The following CALD1 variants were observed in gnomAD, a reference collection of about 807,000 sequenced individuals.
CALD1 encodes the protein caldesmon 1.
In CALD1, 33 loss-of-function variants were observed where a neutral mutation model predicts 99.9. The observed-to-expected ratio is 0.33, with a 90% CI of 0.25 to 0.44. CALD1 has a LOEUF of 0.44. Ranked by LOEUF, CALD1 falls within the 20% of genes least tolerant of loss-of-function variation. CALD1 has a pLI of 1.00. For missense variants in CALD1, 861 were observed against 962.1 expected (o/e 0.89, Z 1.39); for synonymous variants, 310 against 325.0 (o/e 0.95, Z 0.50).
chr7:134,773,482 C>T (rs1796892500), intron 1 of CALD1, among the ~76,000 whole-genome samples: 2 of 152,090 alleles, frequency 1.3e-5, no homozygotes, highest in Admixed American at 6.5e-5. Flanking sequence ...CCCTGTTGCC[C>T]AGGCTGGTCT....
chr7:134,849,484 A>C lies in CALD1; in HGVS notation c.-42+5513A>C, dbSNP rs745734881. 3.3e-5 allele frequency among the ~76,000 whole-genome samples: 5 copies of C among 152,274 alleles called. No homozygotes were observed. The South Asian group carries it at 8.3e-4, about 25-fold the overall frequency. On this transcript the variant is annotated intron_variant, in intron 2 of 14. Transcript: ENST00000361675. ...TTTGCACATAATCTATGCATATCCTATCGTATACTTTAAATCATCTCTACC... is the reference window on the plus strand; with the variant it reads ...TTTGCACATAATCTATGCATATCCTCTCGTATACTTTAAATCATCTCTACC...
At chr7:134,883,464 T>C (rs1438016323) in intron 3 of CALD1, among the ~76,000 whole-genome samples, 3 of 152,146 alleles carry the variant, frequency 2.0e-5, no homozygotes, top group Admixed American at 6.5e-5. Context: ...AAATTGGATA[T>C]TTTTACTAAA....
intron 6 of CALD1, among the ~76,000 whole-genome samples, chr7:134,940,307 AAC>A (rs1402926313): frequency 1.3e-5 from 2 of 152,238 alleles, no homozygotes; most frequent in Non-Finnish European, 2.9e-5. Context: ...TACTGAAAGA[AAC>A]ACAAAACGCA....
At chr7:134,951,471 A>T (rs1203833612) in intron 9 of CALD1, among the ~76,000 whole-genome samples, 2 of 152,240 alleles carry the variant, frequency 1.3e-5, no homozygotes, top group Non-Finnish European at 2.9e-5. Context: ...AGTATATTTT[A>T]AAAGTTTAAG....
At chr7:134,880,738 A>G (rs1801561262) in intron 3 of CALD1, among the ~76,000 whole-genome samples, 1 of 152,126 alleles carries the variant, frequency 6.6e-6, no homozygotes, top group Non-Finnish European at 1.5e-5. Context: ...GTTGTGATGT[A>G]GAAAGAACTG....
intron 3 of CALD1, among the ~76,000 whole-genome samples, chr7:134,870,461 G>A (rs774387356): frequency 6.6e-5 from 10 of 152,160 alleles, no homozygotes; most frequent in African/African-American, 9.7e-5. Context: ...TTGACCGCAC[G>A]GCTACGTGGT....
chr7:134,836,512 C>G (rs1421314603), intron 1 of CALD1, among the ~76,000 whole-genome samples: 1 of 152,180 alleles, frequency 6.6e-6, no homozygotes, highest in Non-Finnish European at 1.5e-5. Flanking sequence ...ACAACTGCCA[C>G]TACCTTTTCA....
the CALD1 span, among the ~76,000 whole-genome samples, chr7:134,736,458 ATGGGGCT>A: frequency 3.1e-4 from 47 of 152,282 alleles, no homozygotes; most frequent in African/African-American, 1.1e-3. Context: ...CCTTTGCAAA[ATGGGGCT>A]TCTCAGCAAT....
chr7:134,850,674 A>G (rs1269662953), intron 2 of CALD1, among the ~76,000 whole-genome samples: 1 of 152,168 alleles, frequency 6.6e-6, no homozygotes, highest in African/African-American at 2.4e-5. Context: ...AACATGGCAC[A>G]TGGTCAGCCA....
At chr7:134,742,871 A>G (rs1258267804), upstream of CALD1, among the ~76,000 whole-genome samples, 2 of 152,026 alleles carry the variant, frequency 1.3e-5, no homozygotes, top group African/African-American at 4.8e-5. Flanking sequence ...GACTGCAGAG[A>G]GATTGTGGGA....
At chr7:134,767,199 G>C (rs767769868) in intron 1 of CALD1, among the ~76,000 whole-genome samples, 125 of 84,726 alleles carry the variant, frequency 1.5e-3, no homozygotes, top group African/African-American at 4.1e-3. Context: ...CTGTCTCTGT[G>C]TGTGTGTGTG....
intron 3 of CALD1, among the ~76,000 whole-genome samples, chr7:134,893,595 A>G (rs1802356715): frequency 6.6e-6 from 1 of 152,062 alleles, no homozygotes; most frequent in African/African-American, 2.4e-5. Context: ...TCTATTCCCT[A>G]CACAGGGAAT....
At chr7:134,717,643 G>A in the CALD1 span, among the ~76,000 whole-genome samples, 5 of 152,188 alleles carry the variant, frequency 3.3e-5, no homozygotes, top group Admixed American at 6.5e-5. Flanking sequence ...CTCAGGCTCC[G>A]GGTCCATAAA....
At chr7:134,963,496 C>A (rs112888871) in intron 13 of CALD1, among the ~76,000 whole-genome samples, 2,076 of 152,278 alleles carry the variant, frequency 0.014, 18 homozygotes, top group Non-Finnish European at 0.023. Flanking sequence ...AATGCAATTG[C>A]TGTTAGCTTT....
intron 2 of CALD1, among the ~76,000 whole-genome samples, chr7:134,857,158 C>A (rs371161425): frequency 1.3e-5 from 1 of 75,366 alleles, no homozygotes; most frequent in Admixed American, 2.0e-4. Context: ...TTGCGCTATT[C>A]TTTTTTTTTT....
upstream of CALD1, among the ~76,000 whole-genome samples, chr7:134,740,378 A>G (rs537528681): frequency 3.9e-5 from 6 of 152,210 alleles, no homozygotes; most frequent in South Asian, 2.1e-4. Context: ...GGCCAAGACT[A>G]AAAACACAAA....
At chr7:134,925,641 G>A (rs1804949253) in intron 3 of CALD1, among the ~76,000 whole-genome samples, 1 of 152,094 alleles carries the variant, frequency 6.6e-6, no homozygotes, top group South Asian at 2.1e-4. Flanking sequence ...TAAAAACCTT[G>A]AGAGAATTCA....
chr7:134,743,914 G>C (rs1796611491), upstream of CALD1, among the ~76,000 whole-genome samples: 1 of 152,216 alleles, frequency 6.6e-6, no homozygotes, highest in Non-Finnish European at 1.5e-5. Flanking sequence ...ATTTTAGTAT[G>C]ATCCTCAAGC....
At chr7:134,891,282 A>T in intron 3 of CALD1, 3 of 710,202 alleles carry the variant, frequency 4.2e-6, no homozygotes, top group Non-Finnish European at 5.5e-6. Context: ...CCCAGCAATA[A>T]CATTTCTGGA....
Sources: allele counts gnomAD v4.1 joint callset (sites outside exome capture counted in the v4.1 genomes callset), GRCh38; gene constraint gnomAD v4.1.1; transcripts MANE v1.5; gene names NCBI Gene and HGNC (gene_info 2026-07-23, HGNC 2026-07-21).